The following CTCF variants were observed in gnomAD, a reference collection of about 807,000 sequenced individuals.
CTCF encodes the protein CCCTC-binding factor, also known as transcriptional repressor CTCF.
Under a neutral mutation model 72.3 loss-of-function variants are expected in CTCF, and 7 were observed. That is an observed-to-expected ratio of 0.10 (90% CI 0.06 to 0.18). The LOEUF is 0.18. Among genes scored for constraint, CTCF ranks in the 10% least tolerant of loss-of-function variants. The probability of loss-of-function intolerance (pLI) is 1.00; values close to 1 mark genes in which losing one functional copy is unlikely to be tolerated. For synonymous variants in CTCF, 374 were observed against 315.8 expected (o/e 1.18, Z -1.95); for missense variants, 516 against 949.1 (o/e 0.54, Z 6.00).
chr16:67,575,989 TAA>T (rs35681914), intron 2 of CTCF, among the ~76,000 whole-genome samples: 70 of 114,088 alleles, frequency 6.1e-4, no homozygotes, highest in Admixed American at 1.1e-3. Context: ...ACCTTGTCTG[TAA>T]AAAAAAAAAA....
chr16:67,612,197 C>G (rs1054630329), intron 4 of CTCF, 76 bp downstream of exon 4: 2 of 1,373,728 alleles, frequency 1.5e-6, no homozygotes, highest in African/African-American at 3.0e-5. Flanking sequence ...CAAGCTGACT[C>G]CAGCGGGAAT....
chr16:67,580,007 A>T (rs999186995), intron 2 of CTCF, among the ~76,000 whole-genome samples: 1 of 152,140 alleles, frequency 6.6e-6, no homozygotes, highest in Non-Finnish European at 1.5e-5. Flanking sequence ...TGGTTTCAGA[A>T]GGGAAGTCTT....
chr16:67,608,035 T>TAAAAAAAA (rs2052001073), intron 2 of CTCF, among the ~76,000 whole-genome samples: 1 of 63,718 alleles, frequency 1.6e-5, no homozygotes. Context: ...AAAAAAAAAG[T>TAAAAAAAA]AAAAACCGGT....
chr16:67,595,564 G>A (rs369609991), intron 2 of CTCF, among the ~76,000 whole-genome samples: 5 of 152,062 alleles, frequency 3.3e-5, no homozygotes, highest in East Asian at 1.9e-4. Flanking sequence ...CTTGGCTGGC[G>A]GTATAAGGAT....
intron 2 of CTCF, among the ~76,000 whole-genome samples, chr16:67,604,639 C>A (rs980125215): frequency 1.3e-5 from 2 of 151,972 alleles, no homozygotes; most frequent in East Asian, 1.9e-4. Context: ...CCATACCCGG[C>A]CAACAATTTT....
intron 10 of CTCF, among the ~76,000 whole-genome samples, chr16:67,633,357 A>T (rs2052388694): frequency 6.6e-6 from 1 of 152,114 alleles, no homozygotes; most frequent in Non-Finnish European, 1.5e-5. Context: ...CTAGTAAGAG[A>T]TCTGAGACTC....
chr16:67,583,699 A>AG (rs773349139), intron 2 of CTCF, among the ~76,000 whole-genome samples: 27 of 152,134 alleles, frequency 1.8e-4, no homozygotes, highest in Admixed American at 3.3e-4. Flanking sequence ...AAAAAAAAAA[A>AG]CAAAAGAGCA....
intron 9 of CTCF, among the ~76,000 whole-genome samples, chr16:67,628,786 C>G (rs1018921901): frequency 6.6e-6 from 1 of 152,216 alleles, no homozygotes; most frequent in Admixed American, 6.5e-5. Flanking sequence ...CCTGGCCAGG[C>G]GCGGTGGCTC....
chr16:67,574,239 T>C (rs1421766931), intron 2 of CTCF, among the ~76,000 whole-genome samples: 2 of 152,172 alleles, frequency 1.3e-5, no homozygotes, highest in African/African-American at 4.8e-5. Context: ...TGGCTTCAAG[T>C]TGAGTTTCCC....
At chr16:67,636,878 G>GAATA in intron 11 of CTCF, 27 bp downstream of exon 11, 1 of 1,460,568 alleles carries the variant, frequency 6.8e-7, no homozygotes. Context: ...TGCTCTGGAG[G>GAATA]CTGGCGTCTT....
At chr16:67,597,929 G>A (rs1320064086) in intron 2 of CTCF, among the ~76,000 whole-genome samples, 1 of 152,080 alleles carries the variant, frequency 6.6e-6, no homozygotes, top group Non-Finnish European at 1.5e-5. Flanking sequence ...AATGCCTCCT[G>A]GAGGAGTTTG....
rs200041507 is a variant in CTCF, at chr16:67,620,783, A to G, written c.1173A>G (p.Thr391=). The G allele has an allele frequency of 8.7e-6, 14 of 1,602,426 alleles. No homozygotes were observed. In the East Asian group the frequency reaches 1.1e-4, roughly 13 times the overall value. The stretch of plus-strand genomic sequence containing the variant: ...TGTGCAGTTATGCCAGCAGGGACAC[A>G]TACAAGCTGAAAAGGCACATGAGAA... The part of the protein sequence containing the change: ...CSLCSYASRD[T]YKLKRHMRTH... The change falls in exon 6 of 12, where the codon ACA becomes ACG. Residue 391 remains threonine, a synonymous_variant. Transcript: ENST00000264010.
At chr16:67,624,116 TA>T (rs1160257766) in intron 7 of CTCF, among the ~76,000 whole-genome samples, 1 of 131,978 alleles carries the variant, frequency 7.6e-6, no homozygotes, top group African/African-American at 3.2e-5. Context: ...TGTGTGTGTG[TA>T]TGTGTGTGTA....
intron 2 of CTCF, among the ~76,000 whole-genome samples, chr16:67,592,631 G>C (rs1482188679): frequency 6.6e-6 from 1 of 152,042 alleles, no homozygotes; most frequent in Non-Finnish European, 1.5e-5. Flanking sequence ...TTTGAGCCCA[G>C]GAGGCGGAAG....
chr16:67,575,319 C>T (rs1318388939), intron 2 of CTCF, among the ~76,000 whole-genome samples: 2 of 151,170 alleles, frequency 1.3e-5, no homozygotes, highest in East Asian at 4.0e-4. Context: ...TGCTTATAAT[C>T]CCAGCACTTT....
At chr16:67,601,220 GTGT>G (rs2051882425) in intron 2 of CTCF, among the ~76,000 whole-genome samples, 5 of 13,698 alleles carry the variant, frequency 3.7e-4, no homozygotes, top group South Asian at 5.2e-3. Context: ...ACTAAGGGGT[GTGT>G]GTGTGTGTGT....
chr16:67,603,684 G>C (rs2051929630), intron 2 of CTCF, among the ~76,000 whole-genome samples: 1 of 151,946 alleles, frequency 6.6e-6, no homozygotes, highest in South Asian at 2.1e-4. Context: ...AATTAGCCGG[G>C]CGTGGTGACA....
At chr16:67,577,639 A>G (rs908694242) in intron 2 of CTCF, among the ~76,000 whole-genome samples, 4 of 150,004 alleles carry the variant, frequency 2.7e-5, no homozygotes, top group Non-Finnish European at 5.9e-5. Flanking sequence ...TAGAGACGGG[A>G]TTTCACTGTG....
intron 10 of CTCF, among the ~76,000 whole-genome samples, chr16:67,632,410 C>T (rs2052377598): frequency 6.6e-6 from 1 of 152,190 alleles, no homozygotes; most frequent in Non-Finnish European, 1.5e-5. Flanking sequence ...GTTAGTAGAG[C>T]ATGGAATTTG....
Sources: allele counts gnomAD v4.1 joint callset (sites outside exome capture counted in the v4.1 genomes callset), GRCh38; gene constraint gnomAD v4.1.1; transcripts MANE v1.5; gene names NCBI Gene and HGNC (gene_info 2026-07-23, HGNC 2026-07-21).